ST13: variants seen among roughly 807,000 people sequenced by gnomAD.
The protein encoded by ST13 is hsc70-interacting protein.
ST13 carries 23 observed loss-of-function variants against 56.7 expected under a neutral mutation model. The observed-to-expected ratio is 0.41, with a 90% CI of 0.29 to 0.57. ST13 has a LOEUF of 0.57. Ranked by LOEUF, ST13 falls within the 20% of genes least tolerant of loss-of-function variation. ST13 has a pLI of 0.36. For synonymous variants in ST13, 132 were observed against 142.4 expected, an observed-to-expected ratio of 0.93 and a Z score of 0.52; for missense variants, 369 against 459.9, an observed-to-expected ratio of 0.80 and a Z score of 1.81.
At chr22:40,844,309 A>G (rs557537093) in intron 4 of ST13, among the ~76,000 whole-genome samples, 1 of 152,308 alleles carries the variant, frequency 6.6e-6, no homozygotes, top group South Asian at 2.1e-4. Context: ...ACTATATTAG[A>G]GTGTTTCTCA....
chr22:40,849,522 C>A (rs1157583369), intron 2 of ST13, among the ~76,000 whole-genome samples: 1 of 149,698 alleles, frequency 6.7e-6, no homozygotes, highest in African/African-American at 2.5e-5. Flanking sequence ...CAAAAACCTA[C>A]CTTGTCACAA....
In ST13 at chr22:40,825,926, A is replaced by G. The variant is rs574079193; in HGVS notation, c.*612T>C. ...GTAAGATTTAAGGGCAACCTGCCCAAGGATGCATGTTATATCAAACACAGC... is the reference window on the plus strand; with the variant it reads ...GTAAGATTTAAGGGCAACCTGCCCAGGGATGCATGTTATATCAAACACAGC... On this transcript the variant is annotated 3_prime_UTR_variant, in exon 12 of 12. Transcript: ENST00000216218. The G allele has an allele frequency of 6.5e-6, 1 of 152,834 alleles. No individual in the cohort carries two copies. The highest frequency in any genetic ancestry group is 2.4e-5 in the African/African-American group (1 of 41,608). The allele number at this position is 152,834 out of a possible 1,614,324, so 9.5% of individuals were successfully genotyped here. A position where few individuals can be genotyped will look rare whatever the true frequency, so the allele number is the denominator to read the frequency against.
At chr22:40,835,765 T>C in intron 6 of ST13, 38 bp downstream of exon 6, 1 of 1,605,278 alleles carries the variant, frequency 6.2e-7, no homozygotes, top group South Asian at 1.1e-5. Context: ...GTGCAGAAAT[T>C]ATTTGCCAGG....
rs781306910 is a variant in ST13 at position 40,832,701 on chromosome 22, C to A, written c.579-30G>T. On this transcript the variant is annotated intron_variant, in intron 7 of 11. Transcript: ENST00000216218. The stretch of plus-strand genomic sequence containing the variant: ...AACAGATTTACACTCATTTTAGGAG[C>A]CTTTTATACATATTCACCTATGTGG... The A allele has an allele frequency of 4.7e-6, 7 of 1,490,060 alleles. No homozygotes were observed. In the South Asian group the frequency reaches 5.6e-5, roughly 12 times the overall value. The allele number at this position is 1,490,060 out of a possible 1,614,324, so 92.3% of individuals were successfully genotyped here. A position where few individuals can be genotyped will look rare whatever the true frequency, so the allele number is the denominator to read the frequency against.
Position 40,826,647 on chromosome 22 carries a change from G to C in ST13, c.1001C>G (p.Ala334Gly). 1 of 1,609,594 alleles carries C rather than the reference G, an allele frequency of 6.2e-7. No individual in the cohort carries two copies. Among genetic ancestry groups the C allele is most frequent in the Non-Finnish European group, 8.5e-7 (1 of 1,179,766 alleles). Reference sequence around the variant, plus strand: ...TGGGTTCTGAGCCACATCCTGGAAAGCCACCATAACTTCTGGATCCTGAAA... The same window carrying C: ...TGGGTTCTGAGCCACATCCTGGAAACCCACCATAACTTCTGGATCCTGAAA... ...AAMQDPEVMV[A>G]FQDVAQNPAN... Residue 334 changes from alanine (A) to glycine (G), a missense_variant, in exon 12 of 12, where the codon GCT becomes GGT. By Grantham distance (60) the Ala-to-Gly change is moderately conservative. Around this residue, in one of 3 missense-constraint regions of ST13, gnomAD observed 136 missense variants for 159.2 expected, o/e 0.85. Transcript: ENST00000216218.
At chr22:40,856,091 C>G (rs1732133819) in intron 1 of ST13, among the ~76,000 whole-genome samples, 1 of 152,040 alleles carries the variant, frequency 6.6e-6, no homozygotes, top group Admixed American at 6.5e-5. Context: ...GCACACAAGA[C>G]TGAAAGAAAA....
At position 40,825,041 on chromosome 22, in the gene ST13, A is replaced by C. The variant is rs1245946464; in HGVS notation, c.*1497T>G. ...TTATCCCTTGAAAATGTTTTTAAAC[A>C]CTAGCACTTTAAATTGAAACACTGG... On this transcript the variant is annotated 3_prime_UTR_variant, in exon 12 of 12. Coordinates refer to ENST00000216218, the MANE Select transcript of ST13 (RefSeq NM_003932.5). 1 of 152,208 alleles carries C rather than the reference A, an allele frequency of 6.6e-6. No individual in the cohort carries two copies. Among genetic ancestry groups the C allele is most frequent in the African/African-American group, 2.4e-5 (1 of 41,458 alleles). The allele number at this position is 152,208 out of a possible 1,614,324, so 9.4% of individuals were successfully genotyped here.
intron 10 of ST13, among the ~76,000 whole-genome samples, chr22:40,828,529 C>A (rs1210181011): frequency 6.6e-6 from 1 of 151,750 alleles, no homozygotes; most frequent in Non-Finnish European, 1.5e-5. Flanking sequence ...AGGAGAATGG[C>A]GTGAACCCGG....
intron 5 of ST13, among the ~76,000 whole-genome samples, chr22:40,840,216 G>A (rs2057796593): frequency 6.6e-6 from 1 of 152,104 alleles, no homozygotes; most frequent in African/African-American, 2.4e-5. Flanking sequence ...CTCACTCTGA[G>A]GGGATTTACT....
At chr22:40,836,730 T>C (rs146454404) in intron 5 of ST13, among the ~76,000 whole-genome samples, 7 of 152,362 alleles carry the variant, frequency 4.6e-5, no homozygotes, top group African/African-American at 1.4e-4. Context: ...CCTATTCTCA[T>C]AGTTAGCTTC....
intron 7 of ST13, among the ~76,000 whole-genome samples, chr22:40,833,742 A>G (rs2057764792): frequency 1.3e-5 from 2 of 151,042 alleles, no homozygotes; most frequent in African/African-American, 4.9e-5. Flanking sequence ...ATGGTAGCGC[A>G]CACCTGTAAT....
At chr22:40,848,595 T>C (rs1341862158) in intron 2 of ST13, among the ~76,000 whole-genome samples, 1 of 151,900 alleles carries the variant, frequency 6.6e-6, no homozygotes, top group Non-Finnish European at 1.5e-5. Flanking sequence ...AAATACAAAT[T>C]AGCCGGACGT....
At chr22:40,847,573 AGAAAACT>A (rs1324864663) in intron 3 of ST13, among the ~76,000 whole-genome samples, 14 of 151,190 alleles carry the variant, frequency 9.3e-5, no homozygotes, top group African/African-American at 3.2e-4. Flanking sequence ...AAAAAAAAAA[AGAAAACT>A]TTTTAAGTAT....
chr22:40,845,959 G>A (rs972454727), intron 3 of ST13, among the ~76,000 whole-genome samples: 3 of 151,972 alleles, frequency 2.0e-5, no homozygotes, highest in South Asian at 2.1e-4. Context: ...TTTTTGAGAC[G>A]GAGTTTCGCT....
At chr22:40,840,756 T>A in intron 4 of ST13, 64 bp from the exon 5 acceptor site, 1 of 1,423,092 alleles carries the variant, frequency 7.0e-7, no homozygotes. Flanking sequence ...CAATTCATAC[T>A]TTCTTAGGGA....
At chr22:40,837,197 A>T (rs759912770) in intron 5 of ST13, among the ~76,000 whole-genome samples, 1 of 152,254 alleles carries the variant, frequency 6.6e-6, no homozygotes, top group Admixed American at 6.5e-5. Flanking sequence ...AAGAACTCAC[A>T]AAAACAACAC....
chr22:40,850,961 AC>A, intron 1 of ST13, 81 bp from the exon 2 acceptor site: 2 of 973,968 alleles, frequency 2.1e-6, no homozygotes, highest in Non-Finnish European at 3.1e-6. Context: ...CTAAAAAATA[AC>A]GTTAGACATT....
At chr22:40,849,479 CAAAAAAAAAAA>C (rs57060131) in intron 2 of ST13, among the ~76,000 whole-genome samples, 1 of 55,106 alleles carries the variant, frequency 1.8e-5, no homozygotes, top group Non-Finnish European at 4.1e-5. Context: ...GACTCTGTCT[CAAAAAAAAAAA>C]AAAAAAAAAA....
In ST13 at chr22:40,855,276, C is replaced by G. The variant is rs188374940; in HGVS notation, c.110+1155G>C. 2.8e-3 allele frequency among the ~76,000 whole-genome samples: 428 copies of G among 152,184 alleles called. 3 individuals carry two copies. The highest frequency in any genetic ancestry group is 3.5e-3 in the South Asian group (17 of 4,814). On this transcript the variant is annotated intron_variant, in intron 1 of 11. Coordinates refer to ENST00000216218, the MANE Select transcript of ST13 (RefSeq NM_003932.5). ...ACAAGCCTGGGCAACTTAATGGGAC[C>G]CCCATCTCTACAAAAAAATTAAATT...
Sources: gnomAD v4.1 joint callset for allele counts (sites outside exome capture counted in the v4.1 genomes callset) on GRCh38, gnomAD v4.1.1 for gene constraint, gnomAD v4.1.1 regional missense constraint, MANE v1.5 for transcripts, NCBI Gene and HGNC (gene_info 2026-07-23, HGNC 2026-07-21) for gene names.